The following MFHAS1 variants were observed in gnomAD, a reference collection of about 807,000 sequenced individuals.
The protein encoded by MFHAS1 is malignant fibrous histiocytoma-amplified sequence 1.
MFHAS1 carries 50 observed loss-of-function variants against 70.4 expected under a neutral mutation model. That is an observed-to-expected ratio of 0.71 (90% CI 0.57 to 0.90). The LOEUF (loss-of-function observed/expected upper bound fraction) is 0.90. MFHAS1 is among the 40% of genes least tolerant of loss of function. The probability of loss-of-function intolerance (pLI) is 0.00; values close to 1 mark genes in which losing one functional copy is unlikely to be tolerated. For synonymous variants in MFHAS1, 952 were observed against 620.0 expected, an observed-to-expected ratio of 1.54 and a Z score of -7.96; for missense variants, 1,795 against 1,347.6, an observed-to-expected ratio of 1.33 and a Z score of -5.20.
rs1408549951 is a variant in MFHAS1, at chr8:8,892,445, G to A, written c.614C>T (p.Ala205Val). ...GCTGGACACGTCCAGCTCCTCCAGG[G>A]CCACCAGCTGCAGCAGCTGCCGGGG... is the stretch of plus-strand genomic sequence containing the variant. ...AFPRQLLQLVALEELDVSSNR... is the reference protein window; with the variant it reads ...AFPRQLLQLVVLEELDVSSNR... Residue 205 changes from alanine (A) to valine (V), a missense_variant, in exon 1 of 3, where the codon GCC (alanine) becomes GTC (valine). Physicochemically the swap from Ala to Val is moderately conservative, Grantham distance 64. Coordinates refer to ENST00000276282, the MANE Select transcript of MFHAS1 (RefSeq NM_004225.3). The surrounding 1 kb of genome is among the most constrained non-coding windows in gnomAD (Gnocchi z 4.7). The A allele has an allele frequency of 5.6e-6, 9 of 1,611,222 alleles. No homozygotes were observed. Among genetic ancestry groups the A allele is most frequent in the East Asian group, 2.2e-5 (1 of 44,730 alleles).
At chr8:8,873,797 A>C (rs1455045932) in intron 1 of MFHAS1, among the ~76,000 whole-genome samples, 1 of 152,252 alleles carries the variant, frequency 6.6e-6, no homozygotes, top group Non-Finnish European at 1.5e-5. Flanking sequence ...AATGAGATAC[A>C]GTTCGTTCTT....
chr8:8,889,348 G>C (rs1307636019), intron 1 of MFHAS1, among the ~76,000 whole-genome samples: 1 of 152,152 alleles, frequency 6.6e-6, no homozygotes, highest in African/African-American at 2.4e-5. Flanking sequence ...GCAGCCCCAG[G>C]ATTTAGTCAT....
intron 1 of MFHAS1, among the ~76,000 whole-genome samples, chr8:8,843,342 G>C (rs1330805341): frequency 1.3e-5 from 2 of 151,586 alleles, no homozygotes; most frequent in South Asian, 2.1e-4. Flanking sequence ...CCAACATTTC[G>C]GGAGGCTCAG....
intron 1 of MFHAS1, among the ~76,000 whole-genome samples, chr8:8,862,669 G>A (rs938487563): frequency 2.0e-5 from 3 of 152,106 alleles, no homozygotes; most frequent in African/African-American, 7.2e-5. Context: ...TTACACATTT[G>A]TCCAAACTCA....
intron 1 of MFHAS1, among the ~76,000 whole-genome samples, chr8:8,801,131 C>T (rs1403379606): frequency 1.3e-5 from 2 of 151,984 alleles, no homozygotes; most frequent in Non-Finnish European, 2.9e-5. Flanking sequence ...AGCAGAATCG[C>T]TTGAACCTGG....
At chr8:8,818,201 C>CCTTTAA (rs769970418) in intron 1 of MFHAS1, among the ~76,000 whole-genome samples, 20,875 of 152,248 alleles carry the variant, frequency 0.14, 1,874 homozygotes, top group Non-Finnish European at 0.2. Flanking sequence ...TCAGTAGACT[C>CCTTTAA]AGAAGAGTTT....
intron 1 of MFHAS1, among the ~76,000 whole-genome samples, chr8:8,881,917 G>A (rs942331564): frequency 1.3e-5 from 2 of 151,946 alleles, no homozygotes; most frequent in African/African-American, 4.8e-5. Flanking sequence ...GGCTTTCTGT[G>A]GCCAGCTCCT....
intron 1 of MFHAS1, among the ~76,000 whole-genome samples, chr8:8,799,872 G>C (rs926387463): frequency 6.6e-6 from 1 of 152,202 alleles, no homozygotes; most frequent in African/African-American, 2.4e-5. Context: ...TGTACACCTC[G>C]TGTAATCTTC....
At chr8:8,800,155 A>C (rs1469688385) in intron 1 of MFHAS1, among the ~76,000 whole-genome samples, 4 of 152,214 alleles carry the variant, frequency 2.6e-5, no homozygotes, top group African/African-American at 4.8e-5. Flanking sequence ...TTTTATGAAA[A>C]ACATTAATTT....
At chr8:8,848,017 T>C (rs940187391) in intron 1 of MFHAS1, among the ~76,000 whole-genome samples, 1 of 152,322 alleles carries the variant, frequency 6.6e-6, no homozygotes, top group South Asian at 2.1e-4. Flanking sequence ...ATTTTCCCCA[T>C]CCTAGGATAA....
chr8:8,846,688 T>G (rs1185945022), intron 1 of MFHAS1, among the ~76,000 whole-genome samples: 1 of 152,106 alleles, frequency 6.6e-6, no homozygotes, highest in Non-Finnish European at 1.5e-5. Context: ...TCGGGGCCTC[T>G]GCACTTGTTC....
At chr8:8,829,712 G>A (rs1050471391) in intron 1 of MFHAS1, among the ~76,000 whole-genome samples, 1 of 152,190 alleles carries the variant, frequency 6.6e-6, no homozygotes, top group African/African-American at 2.4e-5. Context: ...CGAGATCTTT[G>A]AGAAAGGAGA....
At chr8:8,871,046 C>T (rs1434056862) in intron 1 of MFHAS1, among the ~76,000 whole-genome samples, 1 of 152,084 alleles carries the variant, frequency 6.6e-6, no homozygotes, top group Non-Finnish European at 1.5e-5. Flanking sequence ...AAATAACTAC[C>T]CATTTTTAAT....
At chr8:8,843,449 T>G (rs1031906814) in intron 1 of MFHAS1, among the ~76,000 whole-genome samples, 1 of 152,038 alleles carries the variant, frequency 6.6e-6, no homozygotes, top group African/African-American at 2.4e-5. Flanking sequence ...GATACGGTGT[T>G]GTGCACCTTT....
At chr8:8,862,470 T>C (rs1392031245) in intron 1 of MFHAS1, among the ~76,000 whole-genome samples, 1 of 152,080 alleles carries the variant, frequency 6.6e-6, no homozygotes, top group Non-Finnish European at 1.5e-5. Context: ...ACAGATCTTT[T>C]GAAGACCCAA....
chr8:8,790,426 T>G lies in MFHAS1; in HGVS notation c.3126-4371A>C, dbSNP rs1805682647. ...TTCCACTTAATTTTCCAAGAAAGTATGAAGATACCTAAGCAGAGAGGGAAA... is the reference window on the plus strand; with the variant it reads ...TTCCACTTAATTTTCCAAGAAAGTAGGAAGATACCTAAGCAGAGAGGGAAA... On this transcript the variant is annotated intron_variant, in intron 2 of 2. Coordinates refer to ENST00000276282, the MANE Select transcript of MFHAS1 (RefSeq NM_004225.3). 6 of 969,090 alleles carry G rather than the reference T, an allele frequency of 6.2e-6. No homozygotes were observed. In the African/African-American group the frequency reaches 1.1e-4, roughly 17 times the overall value. 60.0% of individuals were successfully genotyped at this position (969,090 alleles called of 1,614,324 possible).
At chr8:8,856,833 C>T (rs1485300552) in intron 1 of MFHAS1, among the ~76,000 whole-genome samples, 2 of 152,030 alleles carry the variant, frequency 1.3e-5, no homozygotes, top group African/African-American at 4.8e-5. Context: ...CAGTTTATTG[C>T]TGCACACGGG....
At chr8:8,803,340 C>A (rs78921820) in intron 1 of MFHAS1, among the ~76,000 whole-genome samples, 2,144 of 151,702 alleles carry the variant, frequency 0.014, 55 homozygotes, top group African/African-American at 0.049. Context: ...CATGGTGAAA[C>A]CCCCATTCTC....
At chr8:8,797,305 T>A (rs1805938658) in intron 2 of MFHAS1, 60 bp downstream of exon 2, 4 of 1,596,300 alleles carry the variant, frequency 2.5e-6, no homozygotes, top group African/African-American at 1.3e-5. Flanking sequence ...TTTGTGGTCA[T>A]ATCTATGGAG....
Sources: allele counts gnomAD v4.1 joint callset (sites outside exome capture counted in the v4.1 genomes callset), GRCh38; gene constraint gnomAD v4.1.1; non-coding constraint Gnocchi (gnomAD v3.1); transcripts MANE v1.5; gene names NCBI Gene and HGNC (gene_info 2026-07-23, HGNC 2026-07-21).